Variants in IQSEC1 observed in about 807,000 individuals in gnomAD.
IQSEC1 encodes the protein IQ motif and Sec7 domain ArfGEF 1.
Under a neutral mutation model 91.0 loss-of-function variants are expected in IQSEC1, and 31 were observed. The ratio of observed to expected loss-of-function variants is 0.34; its 90% CI spans 0.26 to 0.46. IQSEC1 has a LOEUF of 0.46. Ranked by LOEUF, IQSEC1 falls within the 20% of genes least tolerant of loss-of-function variation. The probability of loss-of-function intolerance (pLI) is 1.00; values close to 1 mark genes in which losing one functional copy is unlikely to be tolerated. For missense variants in IQSEC1, 1,388 were observed against 1,575.6 expected (o/e 0.88, Z 2.02); for synonymous variants, 699 against 662.6 (o/e 1.05, Z -0.84).
At chr3:13,171,585 T>C (rs1356780868) in intron 1 of IQSEC1, among the ~76,000 whole-genome samples, 2 of 152,150 alleles carry the variant, frequency 1.3e-5, no homozygotes, top group Non-Finnish European at 2.9e-5. Flanking sequence ...AAATTCAAAA[T>C]AGGTACCCGA....
intron 1 of IQSEC1, among the ~76,000 whole-genome samples, chr3:13,168,708 C>T (rs1693546593): frequency 6.6e-6 from 1 of 152,232 alleles, no homozygotes; most frequent in South Asian, 2.1e-4. Context: ...TAGGGCATTG[C>T]TGTTCCGTCT....
At chr3:12,948,208 T>G (rs1437663930) in intron 1 of IQSEC1, among the ~76,000 whole-genome samples, 1 of 152,270 alleles carries the variant, frequency 6.6e-6, no homozygotes, top group Non-Finnish European at 1.5e-5. Flanking sequence ...AAGAAAGTGC[T>G]TGGCTCTTAA....
intron 6 of IQSEC1, among the ~76,000 whole-genome samples, chr3:12,919,761 C>T (rs1057180084): frequency 6.6e-6 from 1 of 152,210 alleles, no homozygotes; most frequent in African/African-American, 2.4e-5. Context: ...TCCTTCCTTC[C>T]GGGGACCCTG....
At chr3:12,933,542 G>C (rs1697895432) in intron 3 of IQSEC1, among the ~76,000 whole-genome samples, 1 of 152,238 alleles carries the variant, frequency 6.6e-6, no homozygotes. Flanking sequence ...ACTTCACACA[G>C]ACCAACGCTT....
chr3:13,089,739 A>G, intron 2 of IQSEC1, among the ~76,000 whole-genome samples: 1 of 152,228 alleles, frequency 6.6e-6, no homozygotes, highest in Non-Finnish European at 1.5e-5. Flanking sequence ...AAATCCATAG[A>G]GGTAGAAAGC....
chr3:13,227,927 T>C (rs1366987969), intron 1 of IQSEC1, among the ~76,000 whole-genome samples: 1 of 152,118 alleles, frequency 6.6e-6, no homozygotes, highest in East Asian at 1.9e-4. Context: ...GGATGCTGCC[T>C]CCACCCCAGC....
At chr3:12,916,200 T>G (rs899469240) in intron 6 of IQSEC1, among the ~76,000 whole-genome samples, 5 of 152,166 alleles carry the variant, frequency 3.3e-5, no homozygotes, top group African/African-American at 1.2e-4. Context: ...AGTGACTGCC[T>G]CAACCATGCT....
rs933493457 is a variant in IQSEC1, at chr3:13,103,759, G to A, written c.303-56237C>T. Among the ~76,000 whole-genome samples the A allele has an allele frequency of 6.6e-6, 1 of 152,084 alleles. No individual in the cohort carries two copies. Among genetic ancestry groups the A allele is most frequent in the African/African-American group, 2.4e-5 (1 of 41,420 alleles). On this transcript the variant is annotated intron_variant, in intron 2 of 15. Transcript: ENST00000648114. This position sits in a 1 kb window ranked among gnomAD's most constrained non-coding sequence, Gnocchi z 4.1. ...CGCCTCCTACCCCTGGGAGCTCCCC[G>A]GTATTCCATGTTGCCTACCACCCTA... is the stretch of plus-strand genomic sequence containing the variant.
intron 2 of IQSEC1, among the ~76,000 whole-genome samples, chr3:13,115,484 T>C (rs951149992): frequency 6.6e-6 from 1 of 152,262 alleles, no homozygotes; most frequent in Admixed American, 6.5e-5. Flanking sequence ...GCTGCTGGTC[T>C]GCATGAGCCC....
At position 12,909,407 on chromosome 3, in the gene IQSEC1, G is replaced by A. The variant is rs553936985; in HGVS notation, c.2444C>T (p.Ser815Leu). The A allele has an allele frequency of 1.2e-5, 19 of 1,614,150 alleles. No homozygotes were observed. The highest frequency in any genetic ancestry group is 1.3e-5 in the African/African-American group (1 of 75,044). Residue 815 changes from serine (S) to leucine (L), a missense_variant, in exon 11 of 14, where the codon TCG becomes TTG. By Grantham distance (145) the Ser-to-Leu change is moderately radical (BLOSUM62 -2). Transcript: ENST00000613206. This position sits in a 1 kb window ranked among gnomAD's most constrained non-coding sequence, Gnocchi z 4.9. ...QYYPNGIRLTSSVPGADIKVL... is the reference protein window; with the variant it reads ...QYYPNGIRLTLSVPGADIKVL... Reference sequence around the variant, plus strand: ...TTTGATATCTGCTCCGGGGACAGACGAGGTGAGCCGGATGCCATTGGGGTA... The same window carrying A: ...TTTGATATCTGCTCCGGGGACAGACAAGGTGAGCCGGATGCCATTGGGGTA...
intron 2 of IQSEC1, among the ~76,000 whole-genome samples, chr3:13,128,413 A>G (rs1302104645): frequency 1.3e-5 from 2 of 152,194 alleles, no homozygotes; most frequent in Non-Finnish European, 2.9e-5. Context: ...TGTCATAGAT[A>G]TAATGAATCA....
At chr3:13,102,103 C>A (rs753878602) in intron 2 of IQSEC1, among the ~76,000 whole-genome samples, 26 of 151,440 alleles carry the variant, frequency 1.7e-4, no homozygotes, top group Non-Finnish European at 1.0e-4. Context: ...TGTGGCGAGA[C>A]CCTGTCTCTA....
intron 1 of IQSEC1, among the ~76,000 whole-genome samples, chr3:13,045,477 G>A (rs1481754699): frequency 6.6e-6 from 1 of 152,134 alleles, no homozygotes; most frequent in Non-Finnish European, 1.5e-5. Context: ...TACGGCCTCC[G>A]CTCTGATCCC....
chr3:13,176,315 G>A lies in IQSEC1; in HGVS notation c.273-12182C>T, dbSNP rs577475544. 4.6e-5 allele frequency among the ~76,000 whole-genome samples: 7 copies of A among 152,294 alleles called. No individual in the cohort carries two copies. In the South Asian group the frequency reaches 1.4e-3, roughly 32 times the overall value. Reference sequence around the variant, plus strand: ...CTGGAGGATAACAAGTGTTCATTAAGGTTTGAAGCCAGACGGTTCGGGGGT... The same window carrying A: ...CTGGAGGATAACAAGTGTTCATTAAAGTTTGAAGCCAGACGGTTCGGGGGT... On this transcript the variant is annotated intron_variant, in intron 1 of 15. Coordinates refer to the IQSEC1 transcript ENST00000648114.
At chr3:13,171,952 C>T (rs925184215) in intron 1 of IQSEC1, among the ~76,000 whole-genome samples, 1 of 152,134 alleles carries the variant, frequency 6.6e-6, no homozygotes, top group Non-Finnish European at 1.5e-5. Flanking sequence ...GGGCAACCGG[C>T]ACCTGGACAA....
At chr3:13,101,338 G>A (rs1373307388) in intron 2 of IQSEC1, among the ~76,000 whole-genome samples, 4 of 151,280 alleles carry the variant, frequency 2.6e-5, no homozygotes, top group African/African-American at 9.8e-5. Flanking sequence ...AAAATTAGCC[G>A]GGCGTGGTGG....
intron 1 of IQSEC1, among the ~76,000 whole-genome samples, chr3:13,071,918 G>A (rs1162450247): frequency 6.6e-6 from 1 of 152,142 alleles, no homozygotes; most frequent in South Asian, 2.1e-4. Flanking sequence ...CACTGCTGAC[G>A]CAGCAGAGGC....
chr3:13,113,649 G>A (rs1706288416), intron 2 of IQSEC1, among the ~76,000 whole-genome samples: 1 of 152,218 alleles, frequency 6.6e-6, no homozygotes, highest in Non-Finnish European at 1.5e-5. Context: ...GTGGGAATGT[G>A]AGGCAGTGGT....
intron 1 of IQSEC1, among the ~76,000 whole-genome samples, chr3:13,187,267 T>A (rs559882746): frequency 1.2e-4 from 18 of 152,142 alleles, no homozygotes; most frequent in Middle Eastern, 6.8e-3. Context: ...TGTACACAGA[T>A]CACCTTTCCC....
Sources: gnomAD v4.1 joint callset for allele counts (sites outside exome capture counted in the v4.1 genomes callset) on GRCh38, gnomAD v4.1.1 for gene constraint, Gnocchi (gnomAD v3.1) non-coding constraint, MANE v1.5 for transcripts, NCBI Gene and HGNC (gene_info 2026-07-23, HGNC 2026-07-21) for gene names.